TRHDE: variants seen among roughly 807,000 people sequenced by gnomAD.
TRHDE encodes the protein thyrotropin-releasing hormone-degrading ectoenzyme.
Under a neutral mutation model 125.7 loss-of-function variants are expected in TRHDE, and 72 were observed. That is an observed-to-expected ratio of 0.57 (90% CI 0.47 to 0.70). The LOEUF (loss-of-function observed/expected upper bound fraction) is 0.70. Among genes scored for constraint, TRHDE ranks in the 30% least tolerant of loss-of-function variants. The probability of loss-of-function intolerance (pLI) is 0.00; values close to 1 mark genes in which losing one functional copy is unlikely to be tolerated. For synonymous variants in TRHDE, 509 were observed against 509.1 expected (o/e 1.00, Z 0.00); for missense variants, 1,110 against 1,327.1 (o/e 0.84, Z 2.54).
intron 2 of TRHDE, among the ~76,000 whole-genome samples, chr12:72,352,624 A>G (rs1463022525): frequency 6.6e-6 from 1 of 151,728 alleles, no homozygotes; most frequent in African/African-American, 2.4e-5. Flanking sequence ...ACTGTTATCA[A>G]TTTCTGTGTT....
intron 2 of TRHDE, among the ~76,000 whole-genome samples, chr12:72,363,145 T>A (rs1372582219): frequency 1.3e-5 from 2 of 151,892 alleles, no homozygotes; most frequent in African/African-American, 4.8e-5. Context: ...AATCTATAAA[T>A]TATCTTGGGC....
chr12:72,186,598 G>A (rs905822439), intron 2 of TRHDE: 2 of 170,686 alleles, frequency 1.2e-5, no homozygotes, highest in African/African-American at 2.4e-5. Flanking sequence ...CACCAATTCC[G>A]GACACAATTT....
At chr12:72,224,074 CTATCCATCTAT>C (rs1878054460) in intron 2 of TRHDE, among the ~76,000 whole-genome samples, 1 of 67,912 alleles carries the variant, frequency 1.5e-5, no homozygotes, top group African/African-American at 4.3e-5. Context: ...TCCTATCTAT[CTATCCATCTAT>C]CTATCCATCT....
chr12:72,572,403 G>T (rs1592545431), intron 10 of TRHDE, among the ~76,000 whole-genome samples: 1 of 151,918 alleles, frequency 6.6e-6, no homozygotes, highest in African/African-American at 2.4e-5. Flanking sequence ...ATTATTGCCA[G>T]CATCAAGATA....
chr12:72,141,462 G>A (rs796436895), intron 2 of TRHDE, among the ~76,000 whole-genome samples: 26 of 152,106 alleles, frequency 1.7e-4, no homozygotes, highest in Admixed American at 1.7e-3. Context: ...TCCTGAACAA[G>A]GTAGACAATG....
chr12:72,296,034 T>C (rs1880287085), intron 2 of TRHDE, among the ~76,000 whole-genome samples: 1 of 152,226 alleles, frequency 6.6e-6, no homozygotes, highest in Non-Finnish European at 1.5e-5. Flanking sequence ...GCTGTTTTTC[T>C]GCTGTTCATA....
At chr12:72,227,715 G>A (rs891724351) in intron 2 of TRHDE, among the ~76,000 whole-genome samples, 5 of 152,140 alleles carry the variant, frequency 3.3e-5, no homozygotes, top group African/African-American at 9.7e-5. Flanking sequence ...CTATGAGCCC[G>A]TAAAATCAAA....
At chr12:72,432,869 G>A (rs1043366119) in intron 3 of TRHDE, among the ~76,000 whole-genome samples, 8 of 152,150 alleles carry the variant, frequency 5.3e-5, no homozygotes, top group African/African-American at 1.9e-4. Flanking sequence ...AGTGGAGAGA[G>A]TGAAAAATCC....
chr12:72,207,713 A>G (rs910735049), intron 2 of TRHDE, among the ~76,000 whole-genome samples: 1 of 152,198 alleles, frequency 6.6e-6, no homozygotes, highest in Non-Finnish European at 1.5e-5. Flanking sequence ...CTTTGTATAC[A>G]GCAAACTAGG....
chr12:72,491,671 A>G (rs1411355100), intron 5 of TRHDE, among the ~76,000 whole-genome samples: 1 of 151,970 alleles, frequency 6.6e-6, no homozygotes, highest in Non-Finnish European at 1.5e-5. Context: ...GTCCGAGAGT[A>G]TAGCAGCTCA....
intron 7 of TRHDE, among the ~76,000 whole-genome samples, chr12:72,542,590 T>C (rs1592524814): frequency 6.6e-6 from 1 of 151,476 alleles, no homozygotes; most frequent in African/African-American, 2.4e-5. Flanking sequence ...ATTTTTAAAT[T>C]GAAGTAATTT....
chr12:72,125,188 A>G (rs1390439070), intron 2 of TRHDE, among the ~76,000 whole-genome samples: 2 of 152,180 alleles, frequency 1.3e-5, no homozygotes, highest in Non-Finnish European at 2.9e-5. Context: ...CATAAAATAA[A>G]TGGGCAGCTT....
intron 2 of TRHDE, among the ~76,000 whole-genome samples, chr12:72,121,750 T>C (rs1460712423): frequency 4.9e-5 from 7 of 144,322 alleles, no homozygotes. Context: ...TTGATGTGGA[T>C]AGTGGTTCAG....
chr12:72,306,428 A>G (rs946658201), intron 2 of TRHDE, among the ~76,000 whole-genome samples: 1 of 152,332 alleles, frequency 6.6e-6, no homozygotes, highest in Non-Finnish European at 1.5e-5. Flanking sequence ...TTTATGATAC[A>G]TAAAATTCTA....
chr12:72,243,905 A>G lies in TRHDE; in HGVS notation n.280-134090A>G, dbSNP rs186674044. ...AAAATATTTTTAGCTTTATCCTCTG[A>G]GAACCTGATTAATTAGGTCATAGAG... On this transcript the variant is annotated intron_variant and non_coding_transcript_variant, in intron 2 of 4. Transcript: ENST00000548156. Among the ~76,000 whole-genome samples the G allele has an allele frequency of 1.9e-4, 29 of 152,316 alleles. 1 individual carries two copies. In the East Asian group the frequency reaches 5.2e-3, roughly 27 times the overall value.
chr12:72,457,848 A>G (rs1875936125), intron 3 of TRHDE, among the ~76,000 whole-genome samples: 1 of 152,220 alleles, frequency 6.6e-6, no homozygotes, highest in African/African-American at 2.4e-5. Context: ...ATGTTTTACT[A>G]ACAACTGCAA....
intron 2 of TRHDE, among the ~76,000 whole-genome samples, chr12:72,249,053 T>C (rs139294877): frequency 2.1e-4 from 32 of 152,102 alleles, no homozygotes; most frequent in African/African-American, 7.0e-4. Context: ...AAATTTAGAA[T>C]GCATCCTAGC....
intron 2 of TRHDE, among the ~76,000 whole-genome samples, chr12:72,375,669 A>T (rs1008433912): frequency 6.6e-6 from 1 of 152,192 alleles, no homozygotes; most frequent in Non-Finnish European, 1.5e-5. Flanking sequence ...TCCATTTTAC[A>T]TTTATATTTT....
At chr12:72,560,767 A>G (rs1262949383) in intron 7 of TRHDE, 2 of 152,276 alleles carry the variant, frequency 1.3e-5, no homozygotes, top group Non-Finnish European at 2.9e-5. Context: ...TAAAGGCTGC[A>G]GTGAGCCGTG....
Sources: allele counts gnomAD v4.1 joint callset (sites outside exome capture counted in the v4.1 genomes callset), GRCh38; gene constraint gnomAD v4.1.1; transcripts MANE v1.5; gene names NCBI Gene and HGNC (gene_info 2026-07-23, HGNC 2026-07-21).